Variants in WDFY2 observed in about 807,000 individuals in gnomAD.
The protein encoded by WDFY2 is WD repeat and FYVE domain-containing protein 2.
In WDFY2, 36 loss-of-function variants were observed where a neutral mutation model predicts 56.4. The observed-to-expected ratio is 0.64, with a 90% CI of 0.49 to 0.84. WDFY2 has a LOEUF of 0.84. Ranked by LOEUF, WDFY2 falls within the 40% of genes least tolerant of loss-of-function variation. The pLI, the probability that WDFY2 is intolerant of heterozygous loss-of-function variation, is 0.00. For missense variants in WDFY2, 444 were observed against 512.2 expected (o/e 0.87, Z 1.29); for synonymous variants, 176 against 183.7 (o/e 0.96, Z 0.34).
chr13:51,590,859 C>T (rs1954030785), intron 1 of WDFY2: 1 of 152,184 alleles, frequency 6.6e-6, no homozygotes, highest in Non-Finnish European at 1.5e-5. Context: ...GCCTCTTCAT[C>T]CAAATATTTT....
chr13:51,651,355 C>CA (rs1198647536), intron 1 of WDFY2, among the ~76,000 whole-genome samples: 5 of 152,182 alleles, frequency 3.3e-5, no homozygotes, highest in African/African-American at 1.2e-4. Context: ...TTGATCTTTT[C>CA]AAAAAACCAG....
chr13:51,758,667 A>G (rs1181812202), intron 11 of WDFY2, among the ~76,000 whole-genome samples: 2 of 152,166 alleles, frequency 1.3e-5, no homozygotes, highest in Non-Finnish European at 2.9e-5. Context: ...AAGAAATAAG[A>G]CAGAGCTCCA....
At chr13:51,636,751 G>T (rs1006051700) in intron 1 of WDFY2, among the ~76,000 whole-genome samples, 3 of 152,126 alleles carry the variant, frequency 2.0e-5, no homozygotes, top group African/African-American at 7.2e-5. Flanking sequence ...TAGACAAATA[G>T]GTCAGTGGAA....
intron 1 of WDFY2, among the ~76,000 whole-genome samples, chr13:51,660,363 ATT>A (rs757283890): frequency 7.2e-6 from 1 of 138,764 alleles, no homozygotes; most frequent in Non-Finnish European, 1.6e-5. Context: ...CTCTCAGCTA[ATT>A]TTTTTTTTTT....
chr13:51,667,883 T>C (rs1955738640), intron 2 of WDFY2, among the ~76,000 whole-genome samples: 1 of 81,008 alleles, frequency 1.2e-5, no homozygotes, highest in Non-Finnish European at 2.8e-5. Flanking sequence ...GAACTTCTTT[T>C]TTTTTTTTTT....
intron 11 of WDFY2, 31 bp from the exon 12 acceptor site, chr13:51,759,709 T>A (rs766506760): frequency 1.2e-6 from 2 of 1,612,934 alleles, no homozygotes; most frequent in Non-Finnish European, 8.5e-7. Flanking sequence ...ACAATTTTAG[T>A]TCATTCTGTA....
chr13:51,740,570 C>T (rs1952946744), intron 7 of WDFY2, among the ~76,000 whole-genome samples: 4 of 152,016 alleles, frequency 2.6e-5, no homozygotes. Flanking sequence ...AAAAAGTAGC[C>T]GAGCATAGTG....
In WDFY2 at chr13:51,765,756, GAA is replaced by G. The variant is rs1342381212; in HGVS notation, c.*5988_*5989del. The G allele has an allele frequency of 5.3e-5, 8 of 152,194 alleles. No individual in the cohort carries two copies. The highest frequency in any genetic ancestry group is 6.5e-5 in the Admixed American group (1 of 15,280). 9.4% of individuals were successfully genotyped at this position (152,194 alleles called of 1,614,324 possible). On this transcript the variant is annotated 3_prime_UTR_variant, in exon 12 of 12. Transcript: ENST00000298125. ...AGGTTTGGTTTTGAGAAAAGATGGT[GAA>G]GTTTCTTTTCATGAGTTTGTAGGGC... is the stretch of plus-strand genomic sequence containing the variant.
At chr13:51,711,883 G>A (rs536828422) in intron 4 of WDFY2, among the ~76,000 whole-genome samples, 22 of 152,262 alleles carry the variant, frequency 1.4e-4, no homozygotes, top group Non-Finnish European at 2.8e-4. Flanking sequence ...ACAGTGTGGC[G>A]ATTCCTCAAG....
At chr13:51,587,934 T>C (rs1477516658) in intron 1 of WDFY2, 2 of 152,182 alleles carry the variant, frequency 1.3e-5, no homozygotes, top group East Asian at 3.8e-4. Context: ...TCAGGTTCCT[T>C]TTAGCAGAGT....
chr13:51,767,685 T>C lies in WDFY2; in HGVS notation c.*7916T>C, dbSNP rs1286338520. The C allele has an allele frequency of 1.9e-5, 3 of 154,030 alleles. No homozygotes were observed. Among genetic ancestry groups the C allele is most frequent in the Admixed American group, 1.3e-4 (2 of 15,770 alleles). 9.5% of individuals were successfully genotyped at this position (154,030 alleles called of 1,614,324 possible). ...ATCTTAAGCAAATGTAAACTAGGCC[T>C]CATTAAATTGTTTGTGTAAATATGC... On this transcript the variant is annotated 3_prime_UTR_variant, in exon 12 of 12. Coordinates refer to ENST00000298125, the MANE Select transcript of WDFY2 (RefSeq NM_052950.4).
chr13:51,691,976 A>C (rs1236757724), intron 3 of WDFY2, among the ~76,000 whole-genome samples: 2 of 151,354 alleles, frequency 1.3e-5, no homozygotes, highest in Non-Finnish European at 1.5e-5. Context: ...ATGGGAGTTC[A>C]CTCATGATTT....
At chr13:51,740,542 C>T (rs554886041) in intron 7 of WDFY2, among the ~76,000 whole-genome samples, 19 of 152,178 alleles carry the variant, frequency 1.2e-4, no homozygotes, top group African/African-American at 3.9e-4. Context: ...GGTGAAACCC[C>T]GTTTCTACTA....
At chr13:51,737,366 G>A (rs1286022891) in intron 6 of WDFY2, among the ~76,000 whole-genome samples, 1 of 151,838 alleles carries the variant, frequency 6.6e-6, no homozygotes, top group East Asian at 1.9e-4. Context: ...CAAGAACAAA[G>A]CCAAGGGCAT....
chr13:51,679,955 C>T (rs559450549), intron 3 of WDFY2, among the ~76,000 whole-genome samples: 9 of 152,246 alleles, frequency 5.9e-5, no homozygotes, highest in Non-Finnish European at 1.0e-4. Context: ...CATGGAGTCT[C>T]GCTCTGTTGC....
chr13:51,724,268 A>C (rs1952556510), intron 5 of WDFY2, among the ~76,000 whole-genome samples: 1 of 110,718 alleles, frequency 9.0e-6, no homozygotes, highest in Admixed American at 1.3e-4. Flanking sequence ...ATGGCGTTTC[A>C]CTCTTGCCAT....
At chr13:51,720,253 G>A (rs189649698) in intron 5 of WDFY2, among the ~76,000 whole-genome samples, 12 of 152,192 alleles carry the variant, frequency 7.9e-5, no homozygotes, top group Non-Finnish European at 1.3e-4. Context: ...GAAACTGTGC[G>A]GCATTCAAAG....
At chr13:51,587,491 A>G (rs1485650404) in intron 1 of WDFY2, 1 of 152,224 alleles carries the variant, frequency 6.6e-6, no homozygotes, top group Non-Finnish European at 1.5e-5. Flanking sequence ...GAATTATATG[A>G]TGACCTATGA....
chr13:51,604,289 G>A lies in WDFY2; in HGVS notation c.137+19465G>A, dbSNP rs148974141. On this transcript the variant is annotated intron_variant, in intron 1 of 11. Transcript: ENST00000298125. Reference sequence around the variant, plus strand: ...TCTCAGTGACCTCCCTCATCTTGCCGCCTCAGAAATCTCTGCTTCAGATTA... The same window carrying A: ...TCTCAGTGACCTCCCTCATCTTGCCACCTCAGAAATCTCTGCTTCAGATTA... 2.4e-3 allele frequency among the ~76,000 whole-genome samples: 363 copies of A among 152,170 alleles called. 1 individual carries two copies. The highest frequency in any genetic ancestry group is 8.1e-3 in the African/African-American group (338 of 41,524).
Sources: allele counts gnomAD v4.1 joint callset (sites outside exome capture counted in the v4.1 genomes callset), GRCh38; gene constraint gnomAD v4.1.1; transcripts MANE v1.5; gene names NCBI Gene and HGNC (gene_info 2026-07-23, HGNC 2026-07-21).